Variants in CSNK1G1 observed in about 807,000 individuals in gnomAD.
CSNK1G1 encodes casein kinase I isoform gamma-1.
A neutral mutation model predicts 59.6 loss-of-function variants in CSNK1G1; 22 were observed. The ratio of observed to expected loss-of-function variants is 0.37; its 90% confidence interval spans 0.26 to 0.53. CSNK1G1 has a LOEUF of 0.53. Ranked by LOEUF, CSNK1G1 falls within the 20% of genes least tolerant of loss-of-function variation. CSNK1G1 has a pLI of 0.89. For synonymous variants in CSNK1G1, 179 were observed against 177.1 expected (o/e 1.01, Z -0.08); for missense variants, 384 against 519.5 (o/e 0.74, Z 2.54).
chr15:64,320,352 A>G (rs1896493917), intron 1 of CSNK1G1, among the ~76,000 whole-genome samples: 1 of 152,182 alleles, frequency 6.6e-6, no homozygotes, highest in Non-Finnish European at 1.5e-5. Context: ...CCTAACAGGT[A>G]CAGCTATTTC....
intron 10 of CSNK1G1, among the ~76,000 whole-genome samples, chr15:64,184,450 G>T (rs2081862747): frequency 6.6e-6 from 1 of 152,066 alleles, no homozygotes; most frequent in African/African-American, 2.4e-5. Flanking sequence ...GCCGAGACAG[G>T]TGGATTGCCT....
intron 1 of CSNK1G1, among the ~76,000 whole-genome samples, chr15:64,323,997 C>A (rs964904430): frequency 2.0e-5 from 3 of 152,174 alleles, no homozygotes; most frequent in Non-Finnish European, 4.4e-5. Context: ...CCTTCCACTA[C>A]CTTATGGATA....
chr15:64,277,693 A>C, intron 2 of CSNK1G1, among the ~76,000 whole-genome samples: 1 of 132,402 alleles, frequency 7.6e-6, no homozygotes, highest in South Asian at 2.2e-4. Context: ...CAATATTGAT[A>C]TATTTAATAA....
intron 11 of CSNK1G1, among the ~76,000 whole-genome samples, chr15:64,175,111 A>C (rs1336913713): frequency 6.6e-6 from 1 of 151,274 alleles, no homozygotes; most frequent in Non-Finnish European, 1.5e-5. Context: ...AGGAAAAAAT[A>C]GACCACCACA....
intron 7 of CSNK1G1, among the ~76,000 whole-genome samples, chr15:64,206,966 G>T (rs1341471638): frequency 2.0e-5 from 3 of 152,160 alleles, no homozygotes; most frequent in Non-Finnish European, 4.4e-5. Context: ...ATGTGTAGCA[G>T]CTGTTGTCAA....
intron 1 of CSNK1G1, among the ~76,000 whole-genome samples, chr15:64,313,710 T>G (rs911534312): frequency 6.6e-6 from 1 of 150,702 alleles, no homozygotes; most frequent in Non-Finnish European, 1.5e-5. Context: ...GTAACAAAAC[T>G]GCATGTTCTG....
intron 11 of CSNK1G1, among the ~76,000 whole-genome samples, chr15:64,173,058 A>T (rs951699350): frequency 6.6e-5 from 10 of 152,222 alleles, no homozygotes; most frequent in African/African-American, 2.4e-4. Context: ...GTAAAGTTGG[A>T]AGCATAGCTC....
intron 10 of CSNK1G1, among the ~76,000 whole-genome samples, chr15:64,191,252 C>T (rs370500772): frequency 1.3e-5 from 2 of 151,930 alleles, no homozygotes; most frequent in African/African-American, 4.8e-5. Flanking sequence ...AGTAGAGACG[C>T]GGTTTCCCTG....
chr15:64,232,938 C>T (rs1372261681), intron 4 of CSNK1G1, among the ~76,000 whole-genome samples: 4 of 152,142 alleles, frequency 2.6e-5, no homozygotes, highest in African/African-American at 9.7e-5. Flanking sequence ...AAGCAAGCTC[C>T]CACTGACAGG....
At chr15:64,189,272 C>T (rs1368181903) in intron 10 of CSNK1G1, 1 of 909,414 alleles carries the variant, frequency 1.1e-6, no homozygotes, top group South Asian at 4.3e-5. Flanking sequence ...AAAGGAGGGT[C>T]GACCTTCAAC....
chr15:64,213,893 T>A lies in CSNK1G1; in HGVS notation c.676A>T (p.Lys226Ter). Residue 226 changes from lysine (K) to a stop codon, truncating the protein, a stop_gained, in exon 6 of 12, where the codon AAA (lysine) becomes TAA (stop). Coordinates refer to ENST00000303052, the MANE Select transcript of CSNK1G1 (RefSeq NM_022048.5). LOFTEE classifies it high-confidence loss of function. The part of the protein sequence containing the change: ...RYMSINTHLG[K>*]EQSRRDDLEA... ...CATGGAACAGAAAAAAACACACCTT[T>A]GCCAAGATGCGTGTTGATAGACATA... 6.2e-7 allele frequency: 1 copy of A among 1,608,652 alleles called. No individual in the cohort carries two copies. Among genetic ancestry groups the A allele is most frequent in the Non-Finnish European group, 8.5e-7 (1 of 1,175,116 alleles).
At chr15:64,219,727 A>T (rs1013427862) in intron 4 of CSNK1G1, among the ~76,000 whole-genome samples, 8 of 151,526 alleles carry the variant, frequency 5.3e-5, no homozygotes, top group African/African-American at 1.9e-4. Context: ...CCCAAGTGCT[A>T]AGATTACAGG....
chr15:64,322,870 T>C (rs1438852068), intron 1 of CSNK1G1, among the ~76,000 whole-genome samples: 1 of 151,544 alleles, frequency 6.6e-6, no homozygotes, highest in Non-Finnish European at 1.5e-5. Flanking sequence ...AAATTTAAGA[T>C]AGAGTTCACT....
At chr15:64,313,164 A>C (rs1368853794) in intron 1 of CSNK1G1, among the ~76,000 whole-genome samples, 1 of 152,240 alleles carries the variant, frequency 6.6e-6, no homozygotes, top group Non-Finnish European at 1.5e-5. Context: ...AGTGTACATT[A>C]GTTCAACCAT....
At chr15:64,251,204 G>A (rs1333008631) in intron 4 of CSNK1G1, among the ~76,000 whole-genome samples, 1 of 151,964 alleles carries the variant, frequency 6.6e-6, no homozygotes, top group Admixed American at 6.6e-5. Flanking sequence ...CTTTCTTTTG[G>A]TATAAGTAAA....
chr15:64,349,119 G>A (rs1310045090), intron 1 of CSNK1G1, among the ~76,000 whole-genome samples: 5 of 144,924 alleles, frequency 3.5e-5, no homozygotes, highest in South Asian at 2.2e-4. Flanking sequence ...CCTGGGCAAC[G>A]AGAGCGAAAC....
intron 2 of CSNK1G1, among the ~76,000 whole-genome samples, chr15:64,262,111 T>C (rs1199935814): frequency 2.6e-5 from 4 of 152,080 alleles, no homozygotes; most frequent in Non-Finnish European, 5.9e-5. Flanking sequence ...ACTAGAAAAA[T>C]AAGAGAACAG....
chr15:64,251,491 G>C, intron 4 of CSNK1G1, 21 bp downstream of exon 4: 1 of 1,568,394 alleles, frequency 6.4e-7, no homozygotes. Flanking sequence ...TAAGTAAGTG[G>C]AGAGAAAAGA....
At chr15:64,326,851 G>A (rs1045293743) in intron 1 of CSNK1G1, among the ~76,000 whole-genome samples, 5 of 151,154 alleles carry the variant, frequency 3.3e-5, no homozygotes. Context: ...GCGAGGCATT[G>A]CCTCACCTGG....
Sources: gnomAD v4.1 joint callset for allele counts (sites outside exome capture counted in the v4.1 genomes callset) on GRCh38, gnomAD v4.1.1 for gene constraint, MANE v1.5 for transcripts, NCBI Gene and HGNC (gene_info 2026-07-23, HGNC 2026-07-21) for gene names.